FAT3: variants seen among roughly 807,000 people sequenced by gnomAD.
FAT3 encodes the protein protocadherin Fat 3.
FAT3 carries 95 observed loss-of-function variants against 310.2 expected under a neutral mutation model. That is an observed-to-expected ratio of 0.31 (90% confidence interval 0.26 to 0.36). The LOEUF is 0.36. FAT3 is among the 10% of genes least tolerant of loss of function. The probability of loss-of-function intolerance (pLI) is 1.00; values close to 1 mark genes in which losing one functional copy is unlikely to be tolerated. For synonymous variants in FAT3, 2,314 were observed against 2,192.9 expected (o/e 1.06, Z -1.54); for missense variants, 5,408 against 5,715.6 (o/e 0.95, Z 1.74).
intron 17 of FAT3, among the ~76,000 whole-genome samples, chr11:92,839,810 C>T (rs1000143805): frequency 4.6e-5 from 7 of 152,146 alleles, no homozygotes; most frequent in Admixed American, 2.6e-4. Context: ...CCGTTTTCAA[C>T]GTGAGGATGA....
intron 6 of FAT3, among the ~76,000 whole-genome samples, chr11:92,765,676 G>A (rs1946287534): frequency 6.6e-6 from 1 of 151,890 alleles, no homozygotes; most frequent in Admixed American, 6.6e-5. Flanking sequence ...ATAACTGCCT[G>A]TGACAGGCTG....
At position 92,635,571 on chromosome 11, in the gene FAT3, A is replaced by T. The variant is rs557725784; in HGVS notation, c.3608-61813A>T. On this transcript the variant is annotated intron_variant, in intron 3 of 27. Coordinates refer to ENST00000525166, the MANE Select transcript of FAT3 (RefSeq NM_001367949.2). ...CTTCAACTCAGGGTGTGATTTTTTTAAAATTATTTAAATTGACTTTGAAGC... is the reference window on the plus strand; with the variant it reads ...CTTCAACTCAGGGTGTGATTTTTTTTAAATTATTTAAATTGACTTTGAAGC... Among the ~76,000 whole-genome samples the T allele has an allele frequency of 3.6e-3, 547 of 152,290 alleles. 9 individuals are homozygous for T. Among genetic ancestry groups the T allele is most frequent in the Middle Eastern group, 0.017 (5 of 294 alleles).
intron 2 of FAT3, among the ~76,000 whole-genome samples, chr11:92,458,328 C>T (rs1484667376): frequency 6.6e-6 from 1 of 152,152 alleles, no homozygotes; most frequent in African/African-American, 2.4e-5. Flanking sequence ...TTCCTCTGCT[C>T]TTTTCAGGTT....
At chr11:92,802,964 C>G (rs1241311310) in intron 10 of FAT3, among the ~76,000 whole-genome samples, 1 of 152,090 alleles carries the variant, frequency 6.6e-6, no homozygotes, top group African/African-American at 2.4e-5. Flanking sequence ...CTTCCTTTTT[C>G]TTCATGGGAC....
At chr11:92,662,717 A>C (rs1942828106) in intron 3 of FAT3, among the ~76,000 whole-genome samples, 1 of 152,216 alleles carries the variant, frequency 6.6e-6, no homozygotes, top group Non-Finnish European at 1.5e-5. Flanking sequence ...GATGAACACC[A>C]GAGAAAAAGG....
intron 1 of FAT3, among the ~76,000 whole-genome samples, chr11:92,334,154 T>G (rs921735618): frequency 6.6e-6 from 1 of 152,096 alleles, no homozygotes; most frequent in African/African-American, 2.4e-5. Flanking sequence ...GGCAGGTGGA[T>G]TGCTTGAGCC....
chr11:92,442,491 A>C (rs2135082999), intron 2 of FAT3, among the ~76,000 whole-genome samples: 1 of 152,156 alleles, frequency 6.6e-6, no homozygotes, highest in South Asian at 2.1e-4. Context: ...TAAATAAACT[A>C]ATAAATAAAA....
intron 21 of FAT3, among the ~76,000 whole-genome samples, chr11:92,864,601 C>T (rs183285068): frequency 1.1e-4 from 16 of 152,230 alleles, no homozygotes; most frequent in Admixed American, 4.6e-4. Context: ...GCAGATCACA[C>T]GGTCAGGAGA....
chr11:92,224,966 C>A lies in FAT3; in HGVS notation c.-226C>A, dbSNP rs1023015512. Among the ~76,000 whole-genome samples, 2 of 152,148 alleles carry A rather than the reference C, an allele frequency of 1.3e-5. No individual in the cohort carries two copies. The highest frequency in any genetic ancestry group is 2.9e-5 in the Non-Finnish European group (2 of 68,024). On this transcript the variant is annotated 5_prime_UTR_variant, in exon 1 of 28. Coordinates refer to ENST00000525166, the MANE Select transcript of FAT3 (RefSeq NM_001367949.2). ...TTCTCTTCATCTCGGCTCCCCTCCT[C>A]CGCTTGCGAACCCCCGGCGGCGGCG...
chr11:92,441,162 C>T (rs191045055), intron 2 of FAT3, among the ~76,000 whole-genome samples: 21 of 152,214 alleles, frequency 1.4e-4, no homozygotes, highest in South Asian at 2.1e-4. Context: ...GCTGTCCTCC[C>T]GGCTTCCCCC....
At chr11:92,765,697 C>G (rs562992446) in intron 6 of FAT3, among the ~76,000 whole-genome samples, 17 of 151,842 alleles carry the variant, frequency 1.1e-4, no homozygotes, top group Non-Finnish European at 2.1e-4. Flanking sequence ...AAGTGCAGCC[C>G]ACAGATTTCA....
chr11:92,844,294 G>A lies in FAT3; in HGVS notation c.10927G>A (p.Glu3643Lys). The A allele has an allele frequency of 1.2e-6, 2 of 1,614,002 alleles. No homozygotes were observed. Among genetic ancestry groups the A allele is most frequent in the East Asian group, 2.2e-5 (1 of 44,888 alleles). ...VVVHVEQLVH[E>K]MLQNTVTIRF... The stretch of plus-strand genomic sequence containing the variant: ...CGTGCATGTGGAGCAGTTGGTGCAT[G>A]AGATGCTGCAGAACACTGTCACCAT... The change falls in exon 19 of 28, where the codon GAG becomes AAG. Residue 3643 changes from glutamate (E) to lysine (K), a missense_variant. Coordinates refer to ENST00000525166, the MANE Select transcript of FAT3 (RefSeq NM_001367949.2).
chr11:92,738,176 C>T (rs2136018037), intron 4 of FAT3, among the ~76,000 whole-genome samples: 1 of 152,208 alleles, frequency 6.6e-6, no homozygotes, highest in Admixed American at 6.5e-5. Flanking sequence ...CATCATCACT[C>T]CAGATAGATT....
intron 3 of FAT3, among the ~76,000 whole-genome samples, chr11:92,695,563 A>C (rs888761878): frequency 3.3e-5 from 5 of 151,912 alleles, no homozygotes; most frequent in Non-Finnish European, 7.4e-5. Context: ...ACAAAACAAT[A>C]CCCTCCTAAA....
chr11:92,774,308 T>A (rs1591714985), intron 7 of FAT3, 128 bp downstream of exon 7: 1 of 1,067,356 alleles, frequency 9.4e-7, no homozygotes. Context: ...TTTAAAAAAA[T>A]CATTTTCAAG....
intron 2 of FAT3, among the ~76,000 whole-genome samples, chr11:92,368,833 C>CATATATATATATATAT (rs778237959): frequency 0.014 from 1,906 of 140,924 alleles, 50 homozygotes; most frequent in African/African-American, 0.044. Context: ...TGTGTGTATA[C>CATATATATATATATAT]ATATATATAT....
intron 3 of FAT3, among the ~76,000 whole-genome samples, chr11:92,683,962 A>C (rs978531490): frequency 1.3e-5 from 2 of 152,192 alleles, no homozygotes; most frequent in Non-Finnish European, 2.9e-5. Context: ...GAGTTCCATG[A>C]CATGTAGCAT....
chr11:92,322,315 T>TA (rs960208481), intron 1 of FAT3, among the ~76,000 whole-genome samples: 14 of 151,332 alleles, frequency 9.3e-5, no homozygotes, highest in South Asian at 2.1e-4. Flanking sequence ...ACTTTATTGC[T>TA]AAAAAAAAAT....
intron 13 of FAT3, among the ~76,000 whole-genome samples, chr11:92,830,020 T>C (rs768586657): frequency 1.1e-4 from 16 of 152,096 alleles, no homozygotes; most frequent in Non-Finnish European, 2.4e-4. Flanking sequence ...GTCTAAGCCC[T>C]CCCCTCTAAG....
Sources: allele counts gnomAD v4.1 joint callset (sites outside exome capture counted in the v4.1 genomes callset), GRCh38; gene constraint gnomAD v4.1.1; transcripts MANE v1.5; gene names NCBI Gene and HGNC (gene_info 2026-07-23, HGNC 2026-07-21).